The following ISOC2 variants were observed in gnomAD, a reference collection of about 807,000 sequenced individuals.
ISOC2 encodes the protein isochorismatase domain containing 2.
ISOC2 carries 15 observed loss-of-function variants against 19.3 expected under a neutral mutation model. That is an observed-to-expected ratio of 0.78 (90% CI 0.52 to 1.20). The LOEUF is 1.20. Ranked by LOEUF, ISOC2 falls within the 50% of genes most tolerant of loss-of-function variation. ISOC2 has a pLI of 0.00. For missense variants in ISOC2, 285 were observed against 272.4 expected, an observed-to-expected ratio of 1.05 and a Z score of -0.33; for synonymous variants, 106 against 115.8, an observed-to-expected ratio of 0.92 and a Z score of 0.54.
Position 55,456,346 on chromosome 19 carries a change from T to C in ISOC2, c.138+3A>G, listed in dbSNP as rs775180150. On this transcript the variant is annotated splice_donor_region_variant and intron_variant, in intron 2 of 5. Coordinates refer to ENST00000425675, the MANE Select transcript of ISOC2 (RefSeq NM_001136201.2). ...GTCTGAGGGTGGGGGGCTGAGGTCATACCTTGAGCATGCGGGCAGCCACTG... is the reference window on the plus strand; with the variant it reads ...GTCTGAGGGTGGGGGGCTGAGGTCACACCTTGAGCATGCGGGCAGCCACTG... 6.2e-7 allele frequency: 1 copy of C among 1,612,754 alleles called. No homozygotes were observed. The highest frequency in any genetic ancestry group is 8.5e-7 in the Non-Finnish European group (1 of 1,179,494).
At chr19:55,460,153 A>T (rs1361311942) in intron 1 of ISOC2, 1 of 152,236 alleles carries the variant, frequency 6.6e-6, no homozygotes, top group Non-Finnish European at 1.5e-5. Context: ...AATGTCCACA[A>T]TGAGGGTACT....
At chr19:55,456,537 A>C (rs1356484018) in intron 1 of ISOC2, 48 bp from the exon 2 acceptor site, 1 of 1,601,106 alleles carries the variant, frequency 6.2e-7, no homozygotes, top group Admixed American at 1.7e-5. Context: ...GGCTCCTCTC[A>C]GTGTCTCCAG....
intron 1 of ISOC2, among the ~76,000 whole-genome samples, chr19:55,458,379 G>A (rs8104059): frequency 0.16 from 24,276 of 152,132 alleles, 2,380 homozygotes; most frequent in Non-Finnish European, 0.23. Context: ...CTCTCTCCCC[G>A]TCTGTGTGTA....
intron 5 of ISOC2, chr19:55,454,268 C>T (rs7247719): frequency 0.083 from 12,766 of 152,948 alleles, 894 homozygotes; most frequent in African/African-American, 0.17. Flanking sequence ...CTTGCTCATC[C>T]CTCTGCAACT....
chr19:55,460,967 G>A (rs1172066857), intron 1 of ISOC2, among the ~76,000 whole-genome samples: 2 of 152,256 alleles, frequency 1.3e-5, no homozygotes, highest in Non-Finnish European at 2.9e-5. Context: ...AAGATTCATA[G>A]GGGATCCCGG....
chr19:55,458,532 C>CT (rs796494446), intron 1 of ISOC2, among the ~76,000 whole-genome samples: 4,293 of 142,660 alleles, frequency 0.03, 59 homozygotes, highest in Middle Eastern at 0.043. Context: ...ATTTTCTTTT[C>CT]TTTTTTTTTT....
At position 55,454,664 on chromosome 19, in the gene ISOC2, T is replaced by C. The variant is rs1225396065; in HGVS notation, c.537+325A>G. ...TCTCTGCTGACCTGTTCTTCCCCAG[T>C]GTCCGCCTGGTCACTCCCTCCTTCA... On this transcript the variant is annotated intron_variant, in intron 5 of 5. Coordinates refer to ENST00000425675, the MANE Select transcript of ISOC2 (RefSeq NM_001136201.2). 5.5e-6 allele frequency: 2 copies of C among 362,228 alleles called. 1 individual carries two copies. Among genetic ancestry groups the C allele is most frequent in the East Asian group, 1.2e-4 (2 of 16,682 alleles). The allele number at this position is 362,228 out of a possible 1,614,324, so 22.4% of individuals were successfully genotyped here.
chr19:55,456,176 G>GGTCATA, intron 2 of ISOC2, 173 bp downstream of exon 2: 1 of 593,984 alleles, frequency 1.7e-6, no homozygotes, highest in Non-Finnish European at 3.0e-6. Context: ...GGAGGGCTGA[G>GGTCATA]CCTGGATCCT....
intron 1 of ISOC2, among the ~76,000 whole-genome samples, chr19:55,460,237 A>C (rs915297061): frequency 2.0e-5 from 3 of 152,248 alleles, no homozygotes; most frequent in African/African-American, 2.4e-5. Flanking sequence ...AAGCTCTTTA[A>C]GTAACAATAC....
intron 5 of ISOC2, 76 bp downstream of exon 5, chr19:55,454,913 G>C: frequency 8.9e-7 from 1 of 1,121,904 alleles, no homozygotes. Context: ...TGCTGGTGCC[G>C]AGATGTATTC....
chr19:55,456,930 C>T (rs1437969885), intron 1 of ISOC2, among the ~76,000 whole-genome samples: 3 of 152,184 alleles, frequency 2.0e-5, no homozygotes, highest in African/African-American at 7.2e-5. Flanking sequence ...CCCTGGTCAC[C>T]ATCAGCCCCG....
intron 1 of ISOC2, 81 bp from the exon 2 acceptor site, chr19:55,456,570 C>T (rs956504246): frequency 1.9e-6 from 3 of 1,545,072 alleles, no homozygotes; most frequent in East Asian, 2.3e-5. Flanking sequence ...TCCTCACACT[C>T]AGAGCCTGGC....
chr19:55,461,196 TCTCGGAAACCCGGC>T (rs1470161661), intron 1 of ISOC2, among the ~76,000 whole-genome samples: 1 of 41,620 alleles, frequency 2.4e-5, no homozygotes, highest in African/African-American at 8.3e-5. Context: ...CCCCACCCGG[TCTCGGAAACCCGGC>T]CTTGGAGCCC....
At chr19:55,455,502 G>C (rs573824341) in intron 3 of ISOC2, 134 bp downstream of exon 3, 424 of 1,108,142 alleles carry the variant, frequency 3.8e-4, no homozygotes, top group Non-Finnish European at 5.2e-4. Flanking sequence ...GGGCCCACAG[G>C]TGAGGAGAGA....
intron 3 of ISOC2, 152 bp downstream of exon 3, chr19:55,455,484 A>T: frequency 8.6e-7 from 1 of 1,157,430 alleles, no homozygotes. Context: ...GGGATCCAAG[A>T]TAGGATGGGG....
chr19:55,460,991 T>C (rs1986217291), intron 1 of ISOC2, among the ~76,000 whole-genome samples: 1 of 151,782 alleles, frequency 6.6e-6, no homozygotes, highest in African/African-American at 2.4e-5. Flanking sequence ...GGGGAACTGG[T>C]TTTTGGGAGA....
At position 55,455,793 on chromosome 19, in the gene ISOC2, C is replaced by A; in HGVS notation, c.191G>T (p.Gly64Val). 1 of 1,563,818 alleles carries A rather than the reference C, an allele frequency of 6.4e-7. No homozygotes were observed. Residue 64 changes from glycine to valine, a missense_variant, in exon 3 of 6, where the codon GGC becomes GTC. By Grantham distance (109) the Gly-to-Val change is moderately radical (BLOSUM62 -3). Coordinates refer to ENST00000425675, the MANE Select transcript of ISOC2 (RefSeq NM_001136201.2). ...PVMLTEQYPQGLGPTVPELGT... is the reference protein window; with the variant it reads ...PVMLTEQYPQVLGPTVPELGT... ...CAGCTCGGGCACCGTGGGGCCCAGG[C>A]CTTGTGGGTACTGCTCCGTCAGCAT... is the stretch of plus-strand genomic sequence containing the variant.
chr19:55,455,483 G>T, intron 3 of ISOC2, 153 bp from the exon 4 acceptor site: 1 of 1,157,914 alleles, frequency 8.6e-7, no homozygotes, highest in African/African-American at 1.5e-5. Context: ...GGGGATCCAA[G>T]ATAGGATGGG....
Position 55,453,300 on chromosome 19 carries a change from G to A in ISOC2, c.*8C>T, listed in dbSNP as rs755911276. 3.7e-6 allele frequency: 6 copies of A among 1,600,952 alleles called. No individual in the cohort carries two copies. The highest frequency in any genetic ancestry group is 5.1e-6 in the Non-Finnish European group (6 of 1,173,532). On this transcript the variant is annotated 3_prime_UTR_variant, in exon 6 of 6. Transcript: ENST00000425675. ...GAGGGTGGTCTTCCCTCAAGGCAGG[G>A]TTGGAGTTCAGTGGAGGAGGGAGTT...
Sources: allele counts gnomAD v4.1 joint callset (sites outside exome capture counted in the v4.1 genomes callset), GRCh38; gene constraint gnomAD v4.1.1; transcripts MANE v1.5; gene names NCBI Gene and HGNC (gene_info 2026-07-23, HGNC 2026-07-21).